RAB2A: variants seen among roughly 807,000 people sequenced by gnomAD.
RAB2A encodes the protein ras-related protein Rab-2A.
A neutral mutation model predicts 32.5 loss-of-function variants in RAB2A; 7 were observed. The observed-to-expected ratio is 0.22, with a 90% CI of 0.12 to 0.40. The LOEUF (loss-of-function observed/expected upper bound fraction) is 0.40. RAB2A is among the 10% of genes least tolerant of loss of function. The pLI is 1.00. For missense variants in RAB2A, 108 were observed against 260.7 expected, an observed-to-expected ratio of 0.41 and a Z score of 4.03; for synonymous variants, 79 against 85.2, an observed-to-expected ratio of 0.93 and a Z score of 0.40.
intron 7 of RAB2A, among the ~76,000 whole-genome samples, chr8:60,619,603 A>G (rs554376471): frequency 1.3e-5 from 2 of 152,338 alleles, no homozygotes; most frequent in Admixed American, 1.3e-4. Context: ...TCTAAATCCT[A>G]TCTTCTAGGC....
chr8:60,556,641 T>TA (rs11393857), intron 1 of RAB2A, among the ~76,000 whole-genome samples: 23,600 of 106,776 alleles, frequency 0.22, 2,168 homozygotes, highest in Middle Eastern at 0.34. Flanking sequence ...CTCTTTTTAA[T>TA]AAAAAAAAAA....
intron 1 of RAB2A, among the ~76,000 whole-genome samples, chr8:60,556,641 T>TAAAAA (rs11393857): frequency 1.9e-5 from 2 of 106,592 alleles, no homozygotes; most frequent in African/African-American, 6.5e-5. Flanking sequence ...CTCTTTTTAA[T>TAAAAA]AAAAAAAAAA....
intron 6 of RAB2A, among the ~76,000 whole-genome samples, chr8:60,602,817 G>T (rs966091105): frequency 2.6e-5 from 4 of 152,188 alleles, no homozygotes; most frequent in Non-Finnish European, 4.4e-5. Context: ...TATGCCTTAT[G>T]TTTTTGCTTT....
intron 3 of RAB2A, among the ~76,000 whole-genome samples, chr8:60,575,454 T>C (rs907488141): frequency 1.3e-5 from 2 of 152,192 alleles, no homozygotes; most frequent in African/African-American, 4.8e-5. Flanking sequence ...GGATTTTCCA[T>C]AGCATTAATG....
chr8:60,532,070 G>A (rs1208539511), intron 1 of RAB2A, among the ~76,000 whole-genome samples: 1 of 152,180 alleles, frequency 6.6e-6, no homozygotes, highest in African/African-American at 2.4e-5. Flanking sequence ...CTCCCAAAGT[G>A]CTGGGATTAC....
At chr8:60,542,173 A>G (rs1807656049) in intron 1 of RAB2A, among the ~76,000 whole-genome samples, 2 of 152,226 alleles carry the variant, frequency 1.3e-5, no homozygotes, top group South Asian at 2.1e-4. Flanking sequence ...GTTAAGTCTT[A>G]AAGATGAGTA....
intron 3 of RAB2A, among the ~76,000 whole-genome samples, chr8:60,577,326 G>C (rs913452886): frequency 3.3e-5 from 5 of 152,068 alleles, no homozygotes; most frequent in African/African-American, 1.2e-4. Context: ...TGGGATTACA[G>C]CGTGAGCCAC....
chr8:60,547,675 C>G (rs1425922349), intron 1 of RAB2A, among the ~76,000 whole-genome samples: 1 of 121,272 alleles, frequency 8.2e-6, no homozygotes, highest in African/African-American at 2.9e-5. Context: ...ACCTCCCTCC[C>G]GGACGGGGCG....
At chr8:60,552,001 G>GTTTTTTTTGTTTTTTTTTTTT (rs1554553377) in intron 1 of RAB2A, 3 of 109,746 alleles carry the variant, frequency 2.7e-5, no homozygotes, top group African/African-American at 1.1e-4. Flanking sequence ...GTAGCTGGGA[G>GTTTTTTTTGTTTTTTTTTTTT]TTTTTTTTTT....
intron 2 of RAB2A, among the ~76,000 whole-genome samples, chr8:60,570,368 G>A (rs573245847): frequency 5.3e-5 from 8 of 152,092 alleles, no homozygotes; most frequent in African/African-American, 9.6e-5. Context: ...CTGATACCTC[G>A]CTGACATGTA....
intron 1 of RAB2A, chr8:60,552,920 G>A (rs952002684): frequency 6.6e-6 from 1 of 152,140 alleles, no homozygotes; most frequent in African/African-American, 2.4e-5. Flanking sequence ...AGTGATTTCT[G>A]TCCTAATAGA....
chr8:60,525,886 A>G (rs1465903287), intron 1 of RAB2A, among the ~76,000 whole-genome samples: 2 of 149,758 alleles, frequency 1.3e-5, no homozygotes, highest in Admixed American at 6.7e-5. Context: ...GCACTTATAT[A>G]TATATATTTT....
intron 5 of RAB2A, among the ~76,000 whole-genome samples, chr8:60,588,725 A>G (rs747141353): frequency 6.6e-6 from 1 of 152,190 alleles, no homozygotes; most frequent in Non-Finnish European, 1.5e-5. Context: ...TGGGAGACTG[A>G]TGGCTTCACG....
At chr8:60,567,339 C>A (rs759217535) in intron 2 of RAB2A, among the ~76,000 whole-genome samples, 1 of 152,112 alleles carries the variant, frequency 6.6e-6, no homozygotes, top group African/African-American at 2.4e-5. Context: ...TGGTCTCGAT[C>A]TCCTGACCTT....
chr8:60,597,838 C>G (rs1804055784), intron 6 of RAB2A, among the ~76,000 whole-genome samples: 2 of 152,154 alleles, frequency 1.3e-5, no homozygotes, highest in Non-Finnish European at 2.9e-5. Context: ...TTATCAGTAA[C>G]AAAACAGAAG....
chr8:60,591,306 TCTCC>T (rs1019344684), intron 5 of RAB2A, among the ~76,000 whole-genome samples: 6 of 151,476 alleles, frequency 4.0e-5, no homozygotes, highest in Admixed American at 2.6e-4. Context: ...CTCTACTCCT[TCTCC>T]CTCCCTCCCT....
intron 6 of RAB2A, among the ~76,000 whole-genome samples, chr8:60,608,555 C>CTCTCCT (rs550382106): frequency 1.4e-5 from 2 of 144,094 alleles, no homozygotes; most frequent in Admixed American, 1.4e-4. Context: ...TCTCTCCTCT[C>CTCTCCT]TCTCCTTCTC....
intron 2 of RAB2A, among the ~76,000 whole-genome samples, chr8:60,565,262 T>C (rs1808086480): frequency 6.6e-6 from 1 of 151,566 alleles, no homozygotes; most frequent in Non-Finnish European, 1.5e-5. Flanking sequence ...CTACAAAAAG[T>C]TTAAAAACTA....
At chr8:60,526,845 T>G (rs1034961600) in intron 1 of RAB2A, among the ~76,000 whole-genome samples, 1 of 151,878 alleles carries the variant, frequency 6.6e-6, no homozygotes, top group African/African-American at 2.4e-5. Context: ...GGCATGCGCC[T>G]GTAATCCCAG....
Sources: gnomAD v4.1 joint callset for allele counts (sites outside exome capture counted in the v4.1 genomes callset) on GRCh38, gnomAD v4.1.1 for gene constraint, MANE v1.5 for transcripts, NCBI Gene and HGNC (gene_info 2026-07-23, HGNC 2026-07-21) for gene names.